XRRA1: variants seen among roughly 807,000 people sequenced by gnomAD.
XRRA1 encodes X-ray radiation resistance associated 1.
XRRA1 carries 69 observed loss-of-function variants against 80.2 expected under a neutral mutation model. That is an observed-to-expected ratio of 0.86 (90% CI 0.71 to 1.05). The LOEUF (loss-of-function observed/expected upper bound fraction) is 1.05. Among genes scored for constraint, XRRA1 ranks in the 50% least tolerant of loss-of-function variants. The pLI is 0.00. For missense variants in XRRA1, 967 were observed against 976.4 expected (o/e 0.99, Z 0.13); for synonymous variants, 348 against 389.9 (o/e 0.89, Z 1.27).
At chr11:74,883,095 C>T (rs1018539836) in intron 10 of XRRA1, among the ~76,000 whole-genome samples, 123 of 152,228 alleles carry the variant, frequency 8.1e-4, no homozygotes, top group African/African-American at 2.8e-3. Flanking sequence ...CAATGGCGGG[C>T]GCCCCTCCCC....
intron 15 of XRRA1, among the ~76,000 whole-genome samples, chr11:74,846,929 T>C (rs1416246065): frequency 3.9e-5 from 6 of 152,096 alleles, no homozygotes; most frequent in Admixed American, 1.3e-4. Flanking sequence ...ATTTTTTTTT[T>C]TTTTTCTGAA....
intron 10 of XRRA1, among the ~76,000 whole-genome samples, chr11:74,890,514 A>G (rs2050365787): frequency 6.6e-6 from 1 of 152,216 alleles, no homozygotes; most frequent in Non-Finnish European, 1.5e-5. Flanking sequence ...GAGCAAACAC[A>G]TTCAAAAGCT....
chr11:74,919,247 T>C (rs1175720803), intron 8 of XRRA1, among the ~76,000 whole-genome samples: 1 of 152,198 alleles, frequency 6.6e-6, no homozygotes, highest in African/African-American at 2.4e-5. Flanking sequence ...TGGCTGTATA[T>C]ATCTGAGATT....
intron 10 of XRRA1, among the ~76,000 whole-genome samples, chr11:74,881,736 G>A (rs1369138816): frequency 6.6e-6 from 1 of 151,810 alleles, no homozygotes; most frequent in African/African-American, 2.4e-5. Flanking sequence ...TTGCTTGTCT[G>A]TAAAGGATTT....
chr11:74,886,807 C>G (rs1275776025), intron 10 of XRRA1, among the ~76,000 whole-genome samples: 1 of 152,194 alleles, frequency 6.6e-6, no homozygotes, highest in Non-Finnish European at 1.5e-5. Flanking sequence ...TGTTACCCAA[C>G]TTAAAACTAT....
intron 8 of XRRA1, 60 bp downstream of exon 8, chr11:74,921,154 C>A (rs1940636606): frequency 2.8e-5 from 44 of 1,592,926 alleles, no homozygotes; most frequent in South Asian, 4.5e-5. Context: ...CTGCTATGGG[C>A]TATTTCCTTG....
In XRRA1 at chr11:74,847,784, T is replaced by C. The variant is rs149346731; in HGVS notation, c.1728+331A>G. Reference sequence around the variant, plus strand: ...CAGGATCCAGAGGCAGCATCAAAAGTGAGGAGACCTGAAGCAGAGAGGTAC... The same window carrying C: ...CAGGATCCAGAGGCAGCATCAAAAGCGAGGAGACCTGAAGCAGAGAGGTAC... On this transcript the variant is annotated intron_variant, in intron 15 of 18. Coordinates refer to ENST00000684022, the MANE Select transcript of XRRA1 (RefSeq NM_001378157.1). 3.1e-3 allele frequency among the ~76,000 whole-genome samples: 469 copies of C among 152,250 alleles called. 1 individual carries two copies. Among genetic ancestry groups the C allele is most frequent in the Non-Finnish European group, 4.9e-3 (333 of 68,000 alleles).
intron 10 of XRRA1, among the ~76,000 whole-genome samples, chr11:74,888,628 G>C (rs1357807080): frequency 6.6e-6 from 1 of 152,218 alleles, no homozygotes; most frequent in Non-Finnish European, 1.5e-5. Flanking sequence ...CCAAGCTAAA[G>C]GAGGAAGTTC....
chr11:74,924,509 T>A (rs1031372397), intron 7 of XRRA1, among the ~76,000 whole-genome samples: 2 of 149,544 alleles, frequency 1.3e-5, no homozygotes, highest in African/African-American at 4.9e-5. Context: ...GTGTTTCATG[T>A]GCAAATTATG....
At chr11:74,946,408 G>A (rs1460982515) in intron 1 of XRRA1, among the ~76,000 whole-genome samples, 1 of 152,162 alleles carries the variant, frequency 6.6e-6, no homozygotes, top group Non-Finnish European at 1.5e-5. Context: ...TCACCATAGT[G>A]AGTGAGCTCT....
Position 74,934,110 on chromosome 11 carries a change from T to C in XRRA1, c.280-238A>G, listed in dbSNP as rs532738812. 3.3e-5 allele frequency among the ~76,000 whole-genome samples: 5 copies of C among 152,314 alleles called. No individual in the cohort carries two copies. The South Asian group carries it at 1.0e-3, about 32-fold the overall frequency. On this transcript the variant is annotated intron_variant, in intron 4 of 18. Transcript: ENST00000684022. ...TAACAAACTTTCTTCTAATCCTAAT[T>C]AAGCCCTTTGATTATAAAGTAAGAT...
chr11:74,946,055 C>A (rs1165456840), intron 1 of XRRA1, among the ~76,000 whole-genome samples: 1 of 151,996 alleles, frequency 6.6e-6, no homozygotes, highest in Non-Finnish European at 1.5e-5. Flanking sequence ...CTCCACCTCC[C>A]AGACTCAAGC....
intron 10 of XRRA1, among the ~76,000 whole-genome samples, chr11:74,899,860 G>A (rs566221819): frequency 5.9e-5 from 9 of 152,132 alleles, no homozygotes; most frequent in South Asian, 2.1e-4. Flanking sequence ...CAAACTGTTC[G>A]GAAAGATAAA....
intron 10 of XRRA1, among the ~76,000 whole-genome samples, chr11:74,899,218 T>C (rs541291333): frequency 1.3e-5 from 2 of 152,138 alleles, no homozygotes; most frequent in East Asian, 1.9e-4. Flanking sequence ...AAACAAATGA[T>C]AATGGACACA....
intron 7 of XRRA1, 145 bp from the exon 8 acceptor site, chr11:74,921,492 A>G (rs1940785908): frequency 9.0e-7 from 1 of 1,105,808 alleles, no homozygotes; most frequent in Non-Finnish European, 1.3e-6. Context: ...TTCAAGGTCT[A>G]CTAGAGTCAG....
intron 6 of XRRA1, 89 bp downstream of exon 6, chr11:74,930,211 T>C (rs994419518): frequency 8.9e-6 from 10 of 1,118,068 alleles, no homozygotes; most frequent in African/African-American, 7.9e-5. Flanking sequence ...TGGCCAATCA[T>C]AGATGGTTGG....
chr11:74,883,089 G>A (rs1461360664), intron 10 of XRRA1, among the ~76,000 whole-genome samples: 1 of 152,234 alleles, frequency 6.6e-6, no homozygotes, highest in Non-Finnish European at 1.5e-5. Context: ...CCTGGGCAAT[G>A]GCGGGCGCCC....
rs2037394684 is a variant in XRRA1, at chr11:74,844,301, G to A, written c.1928-18C>T. 2 of 1,600,808 alleles carry A rather than the reference G, an allele frequency of 1.2e-6. No individual in the cohort carries two copies. The highest frequency in any genetic ancestry group is 1.7e-6 in the Non-Finnish European group (2 of 1,170,094). On this transcript the variant is annotated intron_variant, in intron 16 of 18. Coordinates refer to ENST00000684022, the MANE Select transcript of XRRA1 (RefSeq NM_001378157.1). ...CTGGATTCCTAGGGCAAGAAGGCAA[G>A]ACTGAGTCAAGGCACTTCCCCCTCC...
At chr11:74,922,731 T>C (rs1485113553) in intron 7 of XRRA1, among the ~76,000 whole-genome samples, 2 of 152,226 alleles carry the variant, frequency 1.3e-5, no homozygotes, top group African/African-American at 4.8e-5. Flanking sequence ...GCTGTAATAA[T>C]TGATAGCTCT....
Sources: allele counts gnomAD v4.1 joint callset (sites outside exome capture counted in the v4.1 genomes callset), GRCh38; gene constraint gnomAD v4.1.1; transcripts MANE v1.5; gene names NCBI Gene and HGNC (gene_info 2026-07-23, HGNC 2026-07-21).